ELOVL6: variants seen among roughly 807,000 people sequenced by gnomAD.
ELOVL6 encodes the protein ELOVL fatty acid elongase 6.
In ELOVL6, 8 loss-of-function variants were observed where a neutral mutation model predicts 31.7. That is an observed-to-expected ratio of 0.25 (90% CI 0.15 to 0.45). The LOEUF is 0.45. Among genes scored for constraint, ELOVL6 ranks in the 20% least tolerant of loss-of-function variants. The pLI is 1.00. For synonymous variants in ELOVL6, 101 were observed against 117.7 expected (o/e 0.86, Z 0.92); for missense variants, 126 against 326.4 (o/e 0.39, Z 4.73).
chr4:110,144,098 A>G (rs1447070829), intron 1 of ELOVL6, among the ~76,000 whole-genome samples: 1 of 152,072 alleles, frequency 6.6e-6, no homozygotes, highest in African/African-American at 2.4e-5. Context: ...TGAGAAAAAT[A>G]AAAGCCAGGG....
intron 1 of ELOVL6, among the ~76,000 whole-genome samples, chr4:110,151,120 A>C (rs1306667118): frequency 6.6e-6 from 1 of 152,078 alleles, no homozygotes; most frequent in Admixed American, 6.5e-5. Context: ...TAATTGCATA[A>C]ATTCTACATG....
At chr4:110,188,810 G>C (rs1759521813) in intron 1 of ELOVL6, among the ~76,000 whole-genome samples, 1 of 149,098 alleles carries the variant, frequency 6.7e-6, no homozygotes, top group African/African-American at 2.5e-5. Context: ...AGAGTTGCTT[G>C]AACCTGGGAG....
chr4:110,114,155 T>TA (rs1446255159), intron 1 of ELOVL6, among the ~76,000 whole-genome samples: 1 of 152,180 alleles, frequency 6.6e-6, no homozygotes, highest in African/African-American at 2.4e-5. Flanking sequence ...ATGCCTCCTA[T>TA]TAAATAAGAG....
chr4:110,191,377 A>C (rs1269383161), intron 1 of ELOVL6, among the ~76,000 whole-genome samples: 3 of 152,184 alleles, frequency 2.0e-5, no homozygotes, highest in Admixed American at 2.0e-4. Flanking sequence ...TATGTGGTAC[A>C]GGTAACTTTC....
chr4:110,057,065 T>C (rs1755006859), intron 3 of ELOVL6, among the ~76,000 whole-genome samples: 1 of 152,210 alleles, frequency 6.6e-6, no homozygotes, highest in African/African-American at 2.4e-5. Context: ...TAAAGGAAAT[T>C]AATCACTACA....
Position 110,084,382 on chromosome 4 carries a change from TATC to T in ELOVL6, c.221+21112_221+21114del, listed in dbSNP as rs1310253489. Among the ~76,000 whole-genome samples, 288 of 117,800 alleles carry T rather than the reference TATC, an allele frequency of 2.4e-3. 3 individuals are homozygous for T. Among genetic ancestry groups the T allele is most frequent in the African/African-American group, 6.0e-3 (197 of 32,712 alleles). 77.3% of individuals were successfully genotyped at this position (117,800 alleles called of 152,430 possible). On this transcript the variant is annotated intron_variant, in intron 2 of 3. Coordinates refer to ENST00000302274, the MANE Select transcript of ELOVL6 (RefSeq NM_024090.3). ...TACCGCATATATGATATATGATATA[TATC>T]GCATATATGATATATGATATATGAC...
intron 1 of ELOVL6, among the ~76,000 whole-genome samples, chr4:110,121,102 G>T (rs1018887164): frequency 6.6e-6 from 1 of 152,144 alleles, no homozygotes; most frequent in African/African-American, 2.4e-5. Flanking sequence ...ATGGGTGGAT[G>T]TAAGCCAAGA....
intron 3 of ELOVL6, among the ~76,000 whole-genome samples, chr4:110,057,180 A>G (rs1375135907): frequency 3.3e-5 from 5 of 152,220 alleles, no homozygotes; most frequent in African/African-American, 4.8e-5. Flanking sequence ...TCAGAACACA[A>G]CACAATTAGT....
At chr4:110,178,673 G>A (rs888103465) in intron 1 of ELOVL6, among the ~76,000 whole-genome samples, 8 of 152,044 alleles carry the variant, frequency 5.3e-5, no homozygotes, top group Non-Finnish European at 8.8e-5. Context: ...GGGCAACATA[G>A]TGAGACCTCG....
intron 2 of ELOVL6, among the ~76,000 whole-genome samples, chr4:110,064,542 C>T (rs1755243310): frequency 6.6e-6 from 1 of 152,140 alleles, no homozygotes; most frequent in Non-Finnish European, 1.5e-5. Context: ...CAGCTCACAA[C>T]AGCCTTGAAC....
rs191524309 is a variant in ELOVL6, at chr4:110,127,037, A to G, written c.90-21409T>C. On this transcript the variant is annotated intron_variant, in intron 1 of 3. Transcript: ENST00000302274. ...GACTTTGAAAAGAGAGGAAAAGGAA[A>G]AGTAGTAGACCATCTCTCCTACTCT... Among the ~76,000 whole-genome samples the G allele has an allele frequency of 1.9e-3, 289 of 152,250 alleles. 1 individual carries two copies. The highest frequency in any genetic ancestry group is 6.7e-3 in the African/African-American group (278 of 41,548).
intron 2 of ELOVL6, among the ~76,000 whole-genome samples, chr4:110,077,933 G>A (rs1296178395): frequency 1.3e-5 from 2 of 152,054 alleles, no homozygotes; most frequent in Non-Finnish European, 2.9e-5. Flanking sequence ...TGAGAACTAC[G>A]TGATGAATGC....
At chr4:110,125,562 T>G (rs1757468121) in intron 1 of ELOVL6, among the ~76,000 whole-genome samples, 1 of 152,114 alleles carries the variant, frequency 6.6e-6, no homozygotes, top group African/African-American at 2.4e-5. Context: ...GGCTCATGCC[T>G]GTAATCCCAG....
intron 2 of ELOVL6, among the ~76,000 whole-genome samples, chr4:110,061,685 T>C (rs948517742): frequency 2.0e-5 from 3 of 151,262 alleles, no homozygotes; most frequent in African/African-American, 7.3e-5. Flanking sequence ...GCCTCCCAAG[T>C]AGCTGGGACT....
chr4:110,139,586 T>G (rs1018615099), intron 1 of ELOVL6, among the ~76,000 whole-genome samples: 3 of 152,216 alleles, frequency 2.0e-5, no homozygotes, highest in African/African-American at 7.2e-5. Context: ...AGACGTATTT[T>G]GGAAGCAAAG....
chr4:110,180,280 G>C, intron 1 of ELOVL6, among the ~76,000 whole-genome samples: 1 of 152,248 alleles, frequency 6.6e-6, no homozygotes, highest in Non-Finnish European at 1.5e-5. Context: ...TGCTAATCTC[G>C]TCTCACTCTA....
At chr4:110,064,780 A>T (rs1014282610) in intron 2 of ELOVL6, among the ~76,000 whole-genome samples, 2 of 152,114 alleles carry the variant, frequency 1.3e-5, no homozygotes, top group Admixed American at 1.3e-4. Context: ...GAGCTACTGC[A>T]CCTGGCCTCG....
At chr4:110,133,853 T>C (rs75849727) in intron 1 of ELOVL6, among the ~76,000 whole-genome samples, 343 of 152,358 alleles carry the variant, frequency 2.3e-3, no homozygotes, top group African/African-American at 7.9e-3. Context: ...AAATGTCTAT[T>C]ACTTAAAGCT....
At chr4:110,189,280 T>C (rs1759536784) in intron 1 of ELOVL6, among the ~76,000 whole-genome samples, 1 of 151,780 alleles carries the variant, frequency 6.6e-6, no homozygotes, top group Non-Finnish European at 1.5e-5. Flanking sequence ...CAAGACCCTG[T>C]CTCTATTTAA....
Sources: gnomAD v4.1 joint callset for allele counts (sites outside exome capture counted in the v4.1 genomes callset) on GRCh38, gnomAD v4.1.1 for gene constraint, MANE v1.5 for transcripts, NCBI Gene and HGNC (gene_info 2026-07-23, HGNC 2026-07-21) for gene names.